RALGPS1: variants seen among roughly 807,000 people sequenced by gnomAD.
The protein encoded by RALGPS1 is Ral GEF with PH domain and SH3 binding motif 1.
Under a neutral mutation model 78.8 loss-of-function variants are expected in RALGPS1, and 19 were observed. The ratio of observed to expected loss-of-function variants is 0.24; its 90% CI spans 0.17 to 0.35. RALGPS1 has a LOEUF of 0.35. RALGPS1 is among the 10% of genes least tolerant of loss of function. The probability of loss-of-function intolerance (pLI) is 1.00; values close to 1 mark genes in which losing one functional copy is unlikely to be tolerated. For missense variants in RALGPS1, 454 were observed against 688.3 expected (o/e 0.66, Z 3.81); for synonymous variants, 228 against 256.3 (o/e 0.89, Z 1.06).
intron 8 of RALGPS1, among the ~76,000 whole-genome samples, chr9:127,148,637 G>A (rs2058238572): frequency 1.3e-5 from 2 of 152,202 alleles, no homozygotes; most frequent in Non-Finnish European, 2.9e-5. Flanking sequence ...CTGAGGGTCA[G>A]CCAGTGGGGT....
intron 4 of RALGPS1, chr9:126,990,184 T>C (rs1020989067): frequency 8.8e-5 from 60 of 678,824 alleles, no homozygotes; most frequent in African/African-American, 7.8e-4. Context: ...AAAGTGGAGA[T>C]TGGTTTCCCT....
intron 11 of RALGPS1, among the ~76,000 whole-genome samples, chr9:127,194,720 C>T (rs1315270707): frequency 6.6e-6 from 1 of 152,192 alleles, no homozygotes; most frequent in East Asian, 1.9e-4. Flanking sequence ...GCCTAGAAGA[C>T]ATACTTTGAA....
chr9:127,184,186 A>G, intron 11 of RALGPS1: 1 of 818,040 alleles, frequency 1.2e-6, no homozygotes, highest in Non-Finnish European at 1.9e-6. Context: ...TGATCTGGGC[A>G]TGGTGGTGCG....
At position 127,221,452 on chromosome 9, in the gene RALGPS1, T is replaced by C. The variant is rs575708969; in HGVS notation, c.*2683T>C. On this transcript the variant is annotated 3_prime_UTR_variant, in exon 19 of 19. Transcript: ENST00000259351. The stretch of plus-strand genomic sequence containing the variant: ...ACTGTGGAGTTGGTAGCTGGTAACA[T>C]TGTTGTCTCAAGAACAACTCACCTC... The C allele has an allele frequency of 6.6e-6, 1 of 152,342 alleles. No homozygotes were observed. Among genetic ancestry groups the C allele is most frequent in the East Asian group, 1.9e-4 (1 of 5,192 alleles). 9.4% of individuals were successfully genotyped at this position (152,342 alleles called of 1,614,324 possible).
chr9:127,142,474 C>T (rs1307734121), intron 8 of RALGPS1, among the ~76,000 whole-genome samples: 2 of 151,960 alleles, frequency 1.3e-5, no homozygotes, highest in African/African-American at 4.8e-5. Flanking sequence ...GCATGATGGG[C>T]GCATCTGGAG....
intron 8 of RALGPS1, among the ~76,000 whole-genome samples, chr9:127,127,079 T>C (rs1437674443): frequency 1.3e-5 from 2 of 152,202 alleles, no homozygotes; most frequent in Non-Finnish European, 2.9e-5. Flanking sequence ...TAGCTAAGGA[T>C]TTGAAGGGAA....
chr9:127,027,244 G>T (rs1036915690), intron 4 of RALGPS1, among the ~76,000 whole-genome samples: 1 of 152,182 alleles, frequency 6.6e-6, no homozygotes, highest in Non-Finnish European at 1.5e-5. Flanking sequence ...TTTTACTTCT[G>T]TGCTTTGTCA....
chr9:127,009,089 T>C (rs1220830671), intron 4 of RALGPS1, among the ~76,000 whole-genome samples: 1 of 152,174 alleles, frequency 6.6e-6, no homozygotes, highest in Non-Finnish European at 1.5e-5. Flanking sequence ...TGGAGATACT[T>C]TTGCAAGTTC....
chr9:127,127,328 A>T (rs1236768929), intron 8 of RALGPS1, among the ~76,000 whole-genome samples: 1 of 152,158 alleles, frequency 6.6e-6, no homozygotes, highest in East Asian at 1.9e-4. Flanking sequence ...TTTTTGGTCC[A>T]GAGTTTGTAA....
intron 13 of RALGPS1, among the ~76,000 whole-genome samples, chr9:127,197,834 G>A (rs553514807): frequency 5.2e-4 from 79 of 152,212 alleles, no homozygotes; most frequent in Non-Finnish European, 9.6e-4. Context: ...GTGCTGGTGG[G>A]TGGGAGTCCT....
chr9:127,059,789 A>C (rs1318240187), intron 7 of RALGPS1, among the ~76,000 whole-genome samples: 2 of 152,068 alleles, frequency 1.3e-5, no homozygotes, highest in African/African-American at 4.8e-5. Flanking sequence ...GTCTGAAATC[A>C]AACTTTGGTT....
intron 8 of RALGPS1, among the ~76,000 whole-genome samples, chr9:127,119,963 G>A (rs1051132324): frequency 6.6e-6 from 1 of 152,232 alleles, no homozygotes; most frequent in African/African-American, 2.4e-5. Context: ...AATACTTGAT[G>A]TCACCTTTTC....
At chr9:127,098,924 C>A (rs372807368) in intron 8 of RALGPS1, among the ~76,000 whole-genome samples, 1 of 152,208 alleles carries the variant, frequency 6.6e-6, no homozygotes, top group Non-Finnish European at 1.5e-5. Context: ...GAAATGGGCT[C>A]ACAAACTGCA....
intron 14 of RALGPS1, among the ~76,000 whole-genome samples, chr9:127,210,072 C>T (rs970088091): frequency 3.3e-5 from 5 of 152,092 alleles, no homozygotes; most frequent in Non-Finnish European, 5.9e-5. Flanking sequence ...GGAAGCTGCA[C>T]GTTGCCCTGG....
At chr9:126,985,056 G>A (rs747972816) in intron 4 of RALGPS1, among the ~76,000 whole-genome samples, 25 of 152,248 alleles carry the variant, frequency 1.6e-4, no homozygotes, top group African/African-American at 5.5e-4. Flanking sequence ...ACTGTGGGTG[G>A]TGTATATCTC....
chr9:127,153,122 G>A (rs749769023), intron 8 of RALGPS1, among the ~76,000 whole-genome samples: 1 of 152,208 alleles, frequency 6.6e-6, no homozygotes, highest in Non-Finnish European at 1.5e-5. Flanking sequence ...CATAGTATAT[G>A]TGAGTGTGGG....
rs117164898 is a variant in RALGPS1, at chr9:126,919,705, T to G, written c.-66+4730T>G. On this transcript the variant is annotated intron_variant, in intron 1 of 18. Coordinates refer to ENST00000259351, the MANE Select transcript of RALGPS1 (RefSeq NM_014636.3). ...TTAAGAAGGATGAGCTGCTATGTTA[T>G]TAATAATCTGAAATAGATTCTATTC... Among the ~76,000 whole-genome samples, 1,011 of 152,346 alleles carry G rather than the reference T, an allele frequency of 6.6e-3. 3 individuals are homozygous for G. The highest frequency in any genetic ancestry group is 0.023 in the South Asian group (111 of 4,832).
intron 5 of RALGPS1, among the ~76,000 whole-genome samples, chr9:127,048,956 C>T (rs551627530): frequency 6.0e-4 from 91 of 152,278 alleles, no homozygotes; most frequent in African/African-American, 2.1e-3. Flanking sequence ...TTCTTGGTTT[C>T]TCTTTCTTTG....
chr9:126,930,985 GACATAA>G (rs1425379655), intron 1 of RALGPS1, among the ~76,000 whole-genome samples: 13 of 152,206 alleles, frequency 8.5e-5, no homozygotes. Context: ...AAATAACAAA[GACATAA>G]ACAAGGTAGA....
Sources: allele counts gnomAD v4.1 joint callset (sites outside exome capture counted in the v4.1 genomes callset), GRCh38; gene constraint gnomAD v4.1.1; transcripts MANE v1.5; gene names NCBI Gene and HGNC (gene_info 2026-07-23, HGNC 2026-07-21).